Variants in DCC observed in about 807,000 individuals in gnomAD.
DCC encodes DCC netrin 1 receptor, also known as netrin receptor DCC.
DCC carries 58 observed loss-of-function variants against 172.5 expected under a neutral mutation model. The observed-to-expected ratio is 0.34, with a 90% CI of 0.27 to 0.42. DCC has a LOEUF of 0.42. Ranked by LOEUF, DCC falls within the 10% of genes least tolerant of loss-of-function variation. The pLI is 1.00. For missense variants in DCC, 1,740 were observed against 1,791.0 expected (o/e 0.97, Z 0.51); for synonymous variants, 709 against 644.5 (o/e 1.10, Z -1.52).
chr18:52,573,247 AT>A (rs1377071238), intron 1 of DCC, among the ~76,000 whole-genome samples: 1 of 152,220 alleles, frequency 6.6e-6, no homozygotes, highest in East Asian at 1.9e-4. Flanking sequence ...TTAAACATAA[AT>A]TTAAAAAAAA....
chr18:53,276,550 C>G (rs1037370487), intron 12 of DCC, among the ~76,000 whole-genome samples: 2 of 152,010 alleles, frequency 1.3e-5, no homozygotes, highest in African/African-American at 2.4e-5. Flanking sequence ...TTCCTAATGC[C>G]ATGTGACCTC....
intron 7 of DCC, among the ~76,000 whole-genome samples, chr18:53,094,105 A>G (rs1415643819): frequency 2.0e-5 from 3 of 152,172 alleles, no homozygotes; most frequent in African/African-American, 7.2e-5. Context: ...TTATTAACCC[A>G]TTTCATTTTG....
chr18:53,170,610 T>C (rs994045547), intron 8 of DCC, among the ~76,000 whole-genome samples: 1 of 152,226 alleles, frequency 6.6e-6, no homozygotes, highest in African/African-American at 2.4e-5. Context: ...GGTATTTTGT[T>C]ATTATAAAAT....
chr18:53,407,528 GATATATAT>G (rs74180422), intron 19 of DCC, among the ~76,000 whole-genome samples: 96 of 117,440 alleles, frequency 8.2e-4, no homozygotes, highest in African/African-American at 2.1e-3. Context: ...TTTTATTCTG[GATATATAT>G]ATATATATAT....
chr18:53,010,643 A>G (rs950813236), intron 5 of DCC, among the ~76,000 whole-genome samples: 4 of 150,688 alleles, frequency 2.7e-5, no homozygotes, highest in Non-Finnish European at 5.9e-5. Flanking sequence ...TTAATACAAG[A>G]TATTAAGTAA....
intron 5 of DCC, among the ~76,000 whole-genome samples, chr18:53,046,870 C>T (rs948439377): frequency 4.0e-5 from 6 of 151,708 alleles, no homozygotes; most frequent in Non-Finnish European, 8.8e-5. Flanking sequence ...CTAAAGAGTC[C>T]GTGACTCTCT....
At chr18:52,811,585 G>T (rs529137672) in intron 2 of DCC, among the ~76,000 whole-genome samples, 5 of 149,628 alleles carry the variant, frequency 3.3e-5, no homozygotes, top group African/African-American at 1.2e-4. Context: ...TGAGTAACTG[G>T]TGAAAGTTTT....
intron 19 of DCC, among the ~76,000 whole-genome samples, chr18:53,405,713 G>A (rs891582304): frequency 6.6e-6 from 1 of 152,134 alleles, no homozygotes; most frequent in Non-Finnish European, 1.5e-5. Flanking sequence ...AGAAGAAAAT[G>A]ATTCAAAATA....
chr18:53,214,842 A>G (rs933368833), intron 11 of DCC, among the ~76,000 whole-genome samples: 6 of 152,162 alleles, frequency 3.9e-5, no homozygotes, highest in Admixed American at 6.5e-5. Flanking sequence ...AATATTTATT[A>G]TAAGTATTAA....
chr18:53,386,277 C>T, intron 16 of DCC, 139 bp downstream of exon 16: 1 of 688,550 alleles, frequency 1.5e-6, no homozygotes, highest in Non-Finnish European at 2.6e-6. Context: ...GAATAATTAT[C>T]CTCTGAGTCT....
At chr18:52,861,290 G>A (rs2039138616) in intron 2 of DCC, among the ~76,000 whole-genome samples, 1 of 152,116 alleles carries the variant, frequency 6.6e-6, no homozygotes, top group Non-Finnish European at 1.5e-5. Context: ...GCCTTTCCAA[G>A]GAGCTTTTTA....
chr18:52,423,017 G>A (rs1264319846), intron 1 of DCC, among the ~76,000 whole-genome samples: 1 of 152,170 alleles, frequency 6.6e-6, no homozygotes, highest in Non-Finnish European at 1.5e-5. Context: ...ATTGAACAAA[G>A]TGAGTCAGAA....
intron 12 of DCC, among the ~76,000 whole-genome samples, chr18:53,242,873 T>G (rs570214879): frequency 5.4e-3 from 205 of 38,084 alleles, no homozygotes; most frequent in Middle Eastern, 0.024. Context: ...GACAAGTAGG[T>G]GTGTGTGTGT....
At chr18:52,944,856 A>G (rs967429414) in intron 5 of DCC, among the ~76,000 whole-genome samples, 1 of 152,306 alleles carries the variant, frequency 6.6e-6, no homozygotes, top group East Asian at 1.9e-4. Flanking sequence ...ATTACATCAT[A>G]AGTTGGTATT....
chr18:52,847,667 TA>T (rs1202908335), intron 2 of DCC, among the ~76,000 whole-genome samples: 2 of 152,148 alleles, frequency 1.3e-5, no homozygotes, highest in Non-Finnish European at 2.9e-5. Flanking sequence ...CAATTGAGAC[TA>T]AAAATACAAA....
intron 2 of DCC, among the ~76,000 whole-genome samples, chr18:52,840,996 A>T (rs907902315): frequency 6.6e-6 from 1 of 152,070 alleles, no homozygotes; most frequent in Non-Finnish European, 1.5e-5. Context: ...TGATACAATG[A>T]CTGGGTGTGG....
Position 52,680,262 on chromosome 18 carries a change from A to G in DCC, c.92-71792A>G, listed in dbSNP as rs553044886. On this transcript the variant is annotated intron_variant, in intron 1 of 28. Coordinates refer to ENST00000442544, the MANE Select transcript of DCC (RefSeq NM_005215.4). Reference sequence around the variant, plus strand: ...ATAGCGAGAGTGTTTGGGAGCACAGAGGAGGAAGCAACCAACTAGACCTGG... The same window carrying G: ...ATAGCGAGAGTGTTTGGGAGCACAGGGGAGGAAGCAACCAACTAGACCTGG... 3.9e-5 allele frequency among the ~76,000 whole-genome samples: 6 copies of G among 152,204 alleles called. No individual in the cohort carries two copies. The East Asian group carries it at 9.7e-4, about 25-fold the overall frequency.
chr18:53,530,266 C>CT (rs1003585528), intron 28 of DCC: 3 of 697,192 alleles, frequency 4.3e-6, no homozygotes, highest in Non-Finnish European at 7.8e-6. Context: ...ACTCACTTGT[C>CT]TAAGACCACA....
intron 14 of DCC, among the ~76,000 whole-genome samples, chr18:53,336,957 T>C (rs11873644): frequency 0.17 from 25,306 of 152,252 alleles, 2,651 homozygotes; most frequent in African/African-American, 0.29. Context: ...TTTTTTCTAA[T>C]GTTAAAAATT....
Sources: gnomAD v4.1 joint callset for allele counts (sites outside exome capture counted in the v4.1 genomes callset) on GRCh38, gnomAD v4.1.1 for gene constraint, MANE v1.5 for transcripts, NCBI Gene and HGNC (gene_info 2026-07-23, HGNC 2026-07-21) for gene names.